The following CRMP1 variants were observed in gnomAD, a reference collection of about 807,000 sequenced individuals.
The protein encoded by CRMP1 is dihydropyrimidinase-related protein 1.
In CRMP1, 19 loss-of-function variants were observed where a neutral mutation model predicts 68.3. That is an observed-to-expected ratio of 0.28 (90% CI 0.19 to 0.41). The LOEUF (loss-of-function observed/expected upper bound fraction) is 0.41, where lower values mean the gene tolerates loss of function less well. CRMP1 is among the 10% of genes least tolerant of loss of function. The probability of loss-of-function intolerance (pLI) is 1.00; values close to 1 mark genes in which losing one functional copy is unlikely to be tolerated. For missense variants in CRMP1, 791 were observed against 967.4 expected, an observed-to-expected ratio of 0.82 and a Z score of 2.42; for synonymous variants, 439 against 399.6, an observed-to-expected ratio of 1.10 and a Z score of -1.18.
At chr4:5,873,415 G>T (rs1036453746) in intron 1 of CRMP1, among the ~76,000 whole-genome samples, 7 of 152,028 alleles carry the variant, frequency 4.6e-5, no homozygotes, top group African/African-American at 1.7e-4. Flanking sequence ...GGTTTAATTG[G>T]CTCATGATTC....
In CRMP1 at chr4:5,842,355, G is replaced by A. The variant is rs1468854480; in HGVS notation, c.1032+738C>T. On this transcript the variant is annotated intron_variant, in intron 7 of 13. Transcript: ENST00000324989. The surrounding 1 kb of genome is among the most constrained non-coding windows in gnomAD (Gnocchi z 4.5). ...GAGGCAGGAGAGTCACTTGAACCCA[G>A]GAAGCGGAGGCTGCAGTGAACCGAG... Among the ~76,000 whole-genome samples, 1 of 151,020 alleles carries A rather than the reference G, an allele frequency of 6.6e-6. No homozygotes were observed. The highest frequency in any genetic ancestry group is 1.5e-5 in the Non-Finnish European group (1 of 67,836).
At position 5,860,239 on chromosome 4, in the gene CRMP1, T is replaced by C. The variant is rs1353618671; in HGVS notation, c.655+787A>G. ...AAGTTGCAGCATGGAAGTGAGGAGATGAGGCAGTGAGAAGAAAGGCAAGTT... is the reference window on the plus strand; with the variant it reads ...AAGTTGCAGCATGGAAGTGAGGAGACGAGGCAGTGAGAAGAAAGGCAAGTT... On this transcript the variant is annotated intron_variant, in intron 3 of 13. Transcript: ENST00000324989. The surrounding 1 kb of genome is among the most constrained non-coding windows in gnomAD (Gnocchi z 4.2). Among the ~76,000 whole-genome samples, 1 of 152,092 alleles carries C rather than the reference T, an allele frequency of 6.6e-6. No homozygotes were observed. The highest frequency in any genetic ancestry group is 2.4e-5 in the African/African-American group (1 of 41,396).
rs1195286256 is a variant in CRMP1 at position 5,821,094 on chromosome 4, G to A, written c.*666C>T. ...CACAGACCAGAAGACAGCACGGTGA[G>A]TTACAAGTGCCACGGAGACCAGGGT... On this transcript the variant is annotated 3_prime_UTR_variant, in exon 14 of 14. Transcript: ENST00000324989. The surrounding 1 kb of genome is among the most constrained non-coding windows in gnomAD (Gnocchi z 4.4). The A allele has an allele frequency of 2.6e-5, 4 of 152,522 alleles. No homozygotes were observed. Among genetic ancestry groups the A allele is most frequent in the African/African-American group, 9.6e-5 (4 of 41,590 alleles). The allele number at this position is 152,522 out of a possible 1,614,324, so 9.4% of individuals were successfully genotyped here.
In CRMP1 at chr4:5,890,288, A is replaced by G. The variant is rs1286437521; in HGVS notation, c.381+2301T>C. On this transcript the variant is annotated intron_variant, in intron 1 of 13. Coordinates refer to ENST00000324989, the MANE Select transcript of CRMP1 (RefSeq NM_001014809.3). This position sits in a 1 kb window ranked among gnomAD's most constrained non-coding sequence, Gnocchi z 5.5. The stretch of plus-strand genomic sequence containing the variant: ...TCAGGGGGAGGAGCATCCGCCTGCC[A>G]CTGGCCAAACAGATCGCTGCTCCCA... 1.3e-5 allele frequency: 2 copies of G among 152,688 alleles called. No individual in the cohort carries two copies. The highest frequency in any genetic ancestry group is 4.8e-5 in the African/African-American group (2 of 41,470). The allele number at this position is 152,688 out of a possible 1,614,324, so 9.5% of individuals were successfully genotyped here.
chr4:5,862,030 G>A (rs1452216846), intron 2 of CRMP1, among the ~76,000 whole-genome samples: 3 of 152,188 alleles, frequency 2.0e-5, no homozygotes, highest in African/African-American at 4.8e-5. Flanking sequence ...GGGCTCCTGT[G>A]AGAAGCTGGG....
rs1719427909 is a variant in CRMP1, at chr4:5,825,602, G to A, written c.1861C>T (p.Pro621Ser). ...GGAGTTGCATATTTGGGTGTAGCTG[G>A]TACCTCGTACACAGGACCGTCATAC... ...GMYDGPVYEVPATPKYATPAP... is the reference protein window; with the variant it reads ...GMYDGPVYEVSATPKYATPAP... Residue 621 changes from proline to serine, a missense_variant, in exon 13 of 14, where the codon CCA (proline) becomes TCA (serine). This residue lies in a region of CRMP1 where 594 missense variants were observed against 763.6 expected (regional missense o/e 0.78). Transcript: ENST00000324989. This position sits in a 1 kb window ranked among gnomAD's most constrained non-coding sequence, Gnocchi z 4.4. 6.2e-7 allele frequency: 1 copy of A among 1,602,928 alleles called. No individual in the cohort carries two copies. Among genetic ancestry groups the A allele is most frequent in the Non-Finnish European group, 8.5e-7 (1 of 1,176,584 alleles).
At position 5,881,775 on chromosome 4, in the gene CRMP1, A is replaced by G. The variant is rs933863183; in HGVS notation, c.381+10814T>C. Reference sequence around the variant, plus strand: ...AACGCTGATCAAAATTTAGCCACACATCGGCAGAGAATTTTTTTGAGTACA... The same window carrying G: ...AACGCTGATCAAAATTTAGCCACACGTCGGCAGAGAATTTTTTTGAGTACA... On this transcript the variant is annotated intron_variant, in intron 1 of 13. Transcript: ENST00000324989. The surrounding 1 kb of genome is among the most constrained non-coding windows in gnomAD (Gnocchi z 4.6). Among the ~76,000 whole-genome samples the G allele has an allele frequency of 6.6e-6, 1 of 152,164 alleles. No individual in the cohort carries two copies. The highest frequency in any genetic ancestry group is 2.1e-4 in the South Asian group (1 of 4,834).
intron 1 of CRMP1, among the ~76,000 whole-genome samples, chr4:5,871,264 T>G (rs1249471710): frequency 1.3e-5 from 2 of 152,206 alleles, no homozygotes; most frequent in Non-Finnish European, 2.9e-5. Context: ...CTTTGCCTCT[T>G]AAACAGGCAT....
intron 10 of CRMP1, among the ~76,000 whole-genome samples, chr4:5,836,449 C>A (rs1168843624): frequency 1.3e-5 from 2 of 152,246 alleles, no homozygotes; most frequent in Non-Finnish European, 2.9e-5. Context: ...CAACTCCTAA[C>A]ACGTGTGCAC....
rs56890181 is a variant in CRMP1, at chr4:5,883,248, C to CGTCT, written c.381+9340_381+9341insAGAC. Reference sequence around the variant, plus strand: ...CCTGCCTGCTTTCCTTCCTTCCTTCCTTCCTTCCTTCCTCCCTCCCTCCCT... The same window carrying CGTCT: ...CCTGCCTGCTTTCCTTCCTTCCTTCCGTCTTTCCTTCCTTCCTCCCTCCCTCCCT... On this transcript the variant is annotated intron_variant, in intron 1 of 13. Transcript: ENST00000324989. This position sits in a 1 kb window ranked among gnomAD's most constrained non-coding sequence, Gnocchi z 4.5. Among the ~76,000 whole-genome samples, 3 of 105,566 alleles carry CGTCT rather than the reference C, an allele frequency of 2.8e-5. No individual in the cohort carries two copies. Among genetic ancestry groups the CGTCT allele is most frequent in the Non-Finnish European group, 6.3e-5 (3 of 47,852 alleles). The allele number at this position is 105,566 out of a possible 152,430, so 69.3% of individuals were successfully genotyped here.
intron 8 of CRMP1, among the ~76,000 whole-genome samples, chr4:5,840,062 G>C (rs1480584603): frequency 6.6e-6 from 1 of 152,256 alleles, no homozygotes; most frequent in Non-Finnish European, 1.5e-5. Flanking sequence ...TCTAGTTCAA[G>C]AGTCTTATTT....
chr4:5,870,912 G>A lies in CRMP1; in HGVS notation c.382-4156C>T, dbSNP rs144583377. Among the ~76,000 whole-genome samples, 280 of 152,254 alleles carry A rather than the reference G, an allele frequency of 1.8e-3. 2 individuals carry two copies. The highest frequency in any genetic ancestry group is 6.5e-3 in the African/African-American group (269 of 41,534). On this transcript the variant is annotated intron_variant, in intron 1 of 13. Coordinates refer to ENST00000324989, the MANE Select transcript of CRMP1 (RefSeq NM_001014809.3). The surrounding 1 kb of genome is among the most constrained non-coding windows in gnomAD (Gnocchi z 6.0). ...CCAGAACAGGAAACATAAGTCACCA[G>A]CAGCTGGTGCATGGCTTCCGGAACA...
chr4:5,845,913 G>A (rs372875547), intron 6 of CRMP1, among the ~76,000 whole-genome samples: 4 of 152,290 alleles, frequency 2.6e-5, no homozygotes, highest in Admixed American at 2.6e-4. Context: ...AACCAAGGAT[G>A]TGAGTCTACA....
intron 12 of CRMP1, among the ~76,000 whole-genome samples, chr4:5,827,746 C>CACACACACACACAT (rs1553902562): frequency 6.5e-4 from 99 of 152,054 alleles, no homozygotes; most frequent in African/African-American, 2.1e-3. Flanking sequence ...CACACACACA[C>CACACACACACACAT]ACACACACGA....
rs907411311 is a variant in CRMP1, at chr4:5,833,409, G to A, written c.1623+2506C>T. Among the ~76,000 whole-genome samples, 9 of 86,602 alleles carry A rather than the reference G, an allele frequency of 1.0e-4. 2 individuals carry two copies. Among genetic ancestry groups the A allele is most frequent in the African/African-American group, 2.0e-4 (4 of 19,922 alleles). The allele number at this position is 86,602 out of a possible 152,430, so 56.8% of individuals were successfully genotyped here. A position where few individuals can be genotyped will look rare whatever the true frequency, so the allele number is the denominator to read the frequency against. Reference sequence around the variant, plus strand: ...TCTCGATCTCCTGACCTCGTGATCCGCCCGCCTCGGCCTCCCAAAGTGCTG... The same window carrying A: ...TCTCGATCTCCTGACCTCGTGATCCACCCGCCTCGGCCTCCCAAAGTGCTG... On this transcript the variant is annotated intron_variant, in intron 11 of 13. Transcript: ENST00000324989.
At position 5,854,382 on chromosome 4, in the gene CRMP1, C is replaced by A. The variant is rs1211110957; in HGVS notation, c.820+1761G>T. Reference sequence around the variant, plus strand: ...CTCCCAAGTAGCTGGGAGGCGTACACCACCACTCCTGGCTATGTTTTTTTT... The same window carrying A: ...CTCCCAAGTAGCTGGGAGGCGTACAACACCACTCCTGGCTATGTTTTTTTT... On this transcript the variant is annotated intron_variant, in intron 4 of 13. Coordinates refer to ENST00000324989, the MANE Select transcript of CRMP1 (RefSeq NM_001014809.3). This position sits in a 1 kb window ranked among gnomAD's most constrained non-coding sequence, Gnocchi z 4.0. Among the ~76,000 whole-genome samples, 2 of 149,448 alleles carry A rather than the reference C, an allele frequency of 1.3e-5. No individual in the cohort carries two copies. Among genetic ancestry groups the A allele is most frequent in the South Asian group, 2.1e-4 (1 of 4,662 alleles).
intron 1 of CRMP1, among the ~76,000 whole-genome samples, chr4:5,885,814 G>A (rs1202840735): frequency 6.6e-6 from 1 of 151,958 alleles, no homozygotes; most frequent in Admixed American, 6.6e-5. Flanking sequence ...CTGGCACCCA[G>A]CACTGTGCTT....
chr4:5,865,728 A>T lies in CRMP1; in HGVS notation c.470+940T>A, dbSNP rs759594757. ...TTGAAGCCCCAGCCCACCCCATGGGACTACCTTTAGCGACAGGGCCTTTAA... is the reference window on the plus strand; with the variant it reads ...TTGAAGCCCCAGCCCACCCCATGGGTCTACCTTTAGCGACAGGGCCTTTAA... On this transcript the variant is annotated intron_variant, in intron 2 of 13. Coordinates refer to ENST00000324989, the MANE Select transcript of CRMP1 (RefSeq NM_001014809.3). This position sits in a 1 kb window ranked among gnomAD's most constrained non-coding sequence, Gnocchi z 4.1. Among the ~76,000 whole-genome samples the T allele has an allele frequency of 6.6e-6, 1 of 152,004 alleles. No homozygotes were observed. The highest frequency in any genetic ancestry group is 1.5e-5 in the Non-Finnish European group (1 of 67,998).
At chr4:5,878,612 C>G (rs1287548361) in intron 1 of CRMP1, among the ~76,000 whole-genome samples, 1 of 152,140 alleles carries the variant, frequency 6.6e-6, no homozygotes, top group Non-Finnish European at 1.5e-5. Flanking sequence ...GATATGAATG[C>G]AGAGGCCAGA....
Sources: allele counts gnomAD v4.1 joint callset (sites outside exome capture counted in the v4.1 genomes callset), GRCh38; gene constraint gnomAD v4.1.1; regional missense constraint gnomAD v4.1.1; non-coding constraint Gnocchi (gnomAD v3.1); transcripts MANE v1.5; gene names NCBI Gene and HGNC (gene_info 2026-07-23, HGNC 2026-07-21).